The following PKD1L1 variants were observed in gnomAD, a reference collection of about 807,000 sequenced individuals.
PKD1L1 encodes the protein polycystin 1 like 1, transient receptor potential channel interacting, also known as polycystin-1-like protein 1.
PKD1L1 carries 236 observed loss-of-function variants against 323.4 expected under a neutral mutation model. The ratio of observed to expected loss-of-function variants is 0.73; its 90% CI spans 0.66 to 0.81. PKD1L1 has a LOEUF of 0.81. PKD1L1 is among the 40% of genes least tolerant of loss of function. PKD1L1 has a pLI of 0.00. For synonymous variants in PKD1L1, 1,344 were observed against 1,335.0 expected, an observed-to-expected ratio of 1.01 and a Z score of -0.15; for missense variants, 3,320 against 3,508.0, an observed-to-expected ratio of 0.95 and a Z score of 1.35.
At chr7:47,821,905 T>C (rs1785150013) in intron 45 of PKD1L1, among the ~76,000 whole-genome samples, 1 of 151,904 alleles carries the variant, frequency 6.6e-6, no homozygotes, top group Non-Finnish European at 1.5e-5. Context: ...AGCAGGCTGG[T>C]CTTAAACTCT....
intron 27 of PKD1L1, among the ~76,000 whole-genome samples, chr7:47,858,471 A>C (rs891775824): frequency 9.9e-5 from 15 of 152,266 alleles, no homozygotes; most frequent in African/African-American, 3.6e-4. Flanking sequence ...GCAAGGTTTC[A>C]CTGGAAACAT....
In PKD1L1 at chr7:47,834,392, C is replaced by A; in HGVS notation, c.6128-7G>T. ...CTTCCCCAGGAATTAGGACCTGATT[C>A]AAAAAAATAAAAATCCAATGTACGA... On this transcript the variant is annotated splice_region_variant and splice_polypyrimidine_tract_variant and intron_variant, in intron 39 of 56. Coordinates refer to ENST00000289672, the MANE Select transcript of PKD1L1 (RefSeq NM_138295.5). 1.2e-6 allele frequency: 2 copies of A among 1,612,926 alleles called. No individual in the cohort carries two copies. Among genetic ancestry groups the A allele is most frequent in the South Asian group, 1.1e-5 (1 of 91,004 alleles).
intron 31 of PKD1L1, among the ~76,000 whole-genome samples, chr7:47,852,624 C>T (rs978935017): frequency 2.0e-5 from 3 of 152,128 alleles, no homozygotes; most frequent in African/African-American, 4.8e-5. Flanking sequence ...GGCTCAGAAT[C>T]CTAAGCCACC....
chr7:47,917,292 GA>G (rs1434149331), intron 7 of PKD1L1, among the ~76,000 whole-genome samples: 3 of 152,004 alleles, frequency 2.0e-5, no homozygotes, highest in Non-Finnish European at 4.4e-5. Context: ...AAAAGAATAA[GA>G]AAGTAAGAAC....
intron 56 of PKD1L1, among the ~76,000 whole-genome samples, chr7:47,777,869 A>G (rs1055049724): frequency 2.6e-5 from 4 of 152,242 alleles, no homozygotes; most frequent in Non-Finnish European, 2.9e-5. Flanking sequence ...ATGAAAAGGC[A>G]CATGCCTGAT....
At chr7:47,884,802 T>C in intron 18 of PKD1L1, 145 bp from the exon 19 acceptor site, 1 of 725,734 alleles carries the variant, frequency 1.4e-6, no homozygotes, top group South Asian at 1.8e-5. Flanking sequence ...ATACCCTCAG[T>C]GGTGGTGTCT....
At position 47,840,557 on chromosome 7, in the gene PKD1L1, A is replaced by G. The variant is rs375721773; in HGVS notation, c.5456T>C (p.Val1819Ala). The G allele has an allele frequency of 6.8e-6, 11 of 1,613,248 alleles. No individual in the cohort carries two copies. The highest frequency in any genetic ancestry group is 9.3e-6 in the Non-Finnish European group (11 of 1,179,306). Reference protein sequence around the residue: ...PARLTSKVYIVLCGDNGLSET... With the variant: ...PARLTSKVYIALCGDNGLSET... ...TGACAGTCCATTGTCGCCACATAAA[A>G]CAATGTACACCTCAAAACAAAGAAC... Residue 1819 changes from valine (V) to alanine (A), a missense_variant, in exon 35 of 57, where the codon GTT (valine) becomes GCT (alanine). By Grantham distance (64) the Val-to-Ala change is moderately conservative (BLOSUM62 0). Transcript: ENST00000289672. This position sits in a 1 kb window ranked among gnomAD's most constrained non-coding sequence, Gnocchi z 4.1.
At chr7:47,895,704 G>A (rs1314840332) in intron 14 of PKD1L1, among the ~76,000 whole-genome samples, 6 of 152,156 alleles carry the variant, frequency 3.9e-5, no homozygotes, top group Non-Finnish European at 8.8e-5. Context: ...GTAAAGTAGG[G>A]ACATGAAGGC....
chr7:47,897,958 G>T (rs778301715), intron 14 of PKD1L1, 30 bp downstream of exon 14: 2 of 1,548,988 alleles, frequency 1.3e-6, no homozygotes, highest in East Asian at 4.6e-5. Flanking sequence ...GTTTCATTGG[G>T]CCAGTAGAGC....
At chr7:47,902,017 A>C (rs1303252431) in intron 13 of PKD1L1, among the ~76,000 whole-genome samples, 1 of 151,102 alleles carries the variant, frequency 6.6e-6, no homozygotes, top group Non-Finnish European at 1.5e-5. Flanking sequence ...AATCCAAAAA[A>C]AGAAAGGAAA....
At chr7:47,897,931 G>T in intron 14 of PKD1L1, 57 bp downstream of exon 14, 1 of 1,391,698 alleles carries the variant, frequency 7.2e-7, no homozygotes. Context: ...CTTGCTCCAG[G>T]GCGATGAGAA....
At chr7:47,828,418 T>C (rs1300483299) in intron 44 of PKD1L1, among the ~76,000 whole-genome samples, 1 of 151,168 alleles carries the variant, frequency 6.6e-6, no homozygotes, top group Admixed American at 6.6e-5. Context: ...ATCCAACAGG[T>C]ATGAGGGAAC....
In PKD1L1 at chr7:47,936,771, T is replaced by C. The variant is rs1397484037; in HGVS notation, c.398+75A>G. ...AGGAACAAGCATCGACTTTCACATC[T>C]GAGCAATTCTTTGTAAGTTCCATGT... is the stretch of plus-strand genomic sequence containing the variant. On this transcript the variant is annotated intron_variant, in intron 4 of 56. Coordinates refer to ENST00000289672, the MANE Select transcript of PKD1L1 (RefSeq NM_138295.5). The C allele has an allele frequency of 4.3e-6, 5 of 1,173,814 alleles. No individual in the cohort carries two copies. The African/African-American group carries it at 7.8e-5, about 18-fold the overall frequency. The allele number at this position is 1,173,814 out of a possible 1,614,324, so 72.7% of individuals were successfully genotyped here.
chr7:47,824,807 T>C (rs1441774709), intron 45 of PKD1L1, among the ~76,000 whole-genome samples: 1 of 152,214 alleles, frequency 6.6e-6, no homozygotes, highest in Non-Finnish European at 1.5e-5. Context: ...TGCTTCTACA[T>C]AGCTGGACAC....
chr7:47,777,361 A>T (rs1427501010), intron 56 of PKD1L1, among the ~76,000 whole-genome samples: 1 of 152,216 alleles, frequency 6.6e-6, no homozygotes, highest in Non-Finnish European at 1.5e-5. Flanking sequence ...TCCTCCTTCC[A>T]TGGACATTTC....
At chr7:47,796,856 T>C (rs9769735) in intron 54 of PKD1L1, among the ~76,000 whole-genome samples, 104,845 of 148,104 alleles carry the variant, frequency 0.71, 37,380 homozygotes, top group Non-Finnish European at 0.75. Flanking sequence ...AAAAATTAGC[T>C]GGGTGTGGTG....
chr7:47,787,184 C>A (rs1786827318), intron 56 of PKD1L1, among the ~76,000 whole-genome samples: 1 of 152,164 alleles, frequency 6.6e-6, no homozygotes, highest in Non-Finnish European at 1.5e-5. Flanking sequence ...TATTCCAAGA[C>A]CAATGACATT....
At chr7:47,837,669 G>A (rs1203391143) in intron 36 of PKD1L1, among the ~76,000 whole-genome samples, 2 of 152,170 alleles carry the variant, frequency 1.3e-5, no homozygotes, top group East Asian at 1.9e-4. Context: ...TACACTGAGA[G>A]TGGGGCTGAG....
chr7:47,958,887 T>C, the PKD1L1 span, among the ~76,000 whole-genome samples: 1 of 152,174 alleles, frequency 6.6e-6, no homozygotes, highest in Non-Finnish European at 1.5e-5. Flanking sequence ...AGCTGGACTG[T>C]ACTGCTGCCA....
Sources: gnomAD v4.1 joint callset for allele counts (sites outside exome capture counted in the v4.1 genomes callset) on GRCh38, gnomAD v4.1.1 for gene constraint, Gnocchi (gnomAD v3.1) non-coding constraint, MANE v1.5 for transcripts, NCBI Gene and HGNC (gene_info 2026-07-23, HGNC 2026-07-21) for gene names.